KHDRBS3: variants seen among roughly 807,000 people sequenced by gnomAD.
KHDRBS3 encodes the protein KH domain-containing, RNA-binding, signal transduction-associated protein 3.
A neutral mutation model predicts 45.6 loss-of-function variants in KHDRBS3; 23 were observed. The ratio of observed to expected loss-of-function variants is 0.50; its 90% CI spans 0.36 to 0.72. KHDRBS3 has a LOEUF of 0.72. Ranked by LOEUF, KHDRBS3 falls within the 30% of genes least tolerant of loss-of-function variation. The pLI is 0.00. For missense variants in KHDRBS3, 352 were observed against 424.8 expected (o/e 0.83, Z 1.51); for synonymous variants, 162 against 156.5 (o/e 1.04, Z -0.26).
downstream of KHDRBS3, among the ~76,000 whole-genome samples, chr8:135,651,958 G>A (rs1831439655): frequency 6.6e-6 from 1 of 152,078 alleles, no homozygotes; most frequent in African/African-American, 2.4e-5. Context: ...ACTGTATACA[G>A]AGACAGGTTC....
At chr8:135,618,940 T>C (rs1222357812) in intron 7 of KHDRBS3, among the ~76,000 whole-genome samples, 1 of 152,196 alleles carries the variant, frequency 6.6e-6, no homozygotes, top group East Asian at 1.9e-4. Context: ...TAGTACTGAC[T>C]GTGGAGGGAT....
intron 1 of KHDRBS3, among the ~76,000 whole-genome samples, chr8:135,519,236 A>G (rs375269904): frequency 3.3e-5 from 5 of 152,236 alleles, no homozygotes; most frequent in East Asian, 3.9e-4. Flanking sequence ...TCCCTATTGT[A>G]TAGTGTTTTC....
intron 2 of KHDRBS3, among the ~76,000 whole-genome samples, chr8:135,533,352 A>C (rs1825576316): frequency 6.6e-6 from 1 of 152,192 alleles, no homozygotes; most frequent in African/African-American, 2.4e-5. Flanking sequence ...ATCCAGTTGG[A>C]TATGACAAGA....
At chr8:135,533,018 A>G (rs1049676993) in intron 2 of KHDRBS3, among the ~76,000 whole-genome samples, 1 of 152,206 alleles carries the variant, frequency 6.6e-6, no homozygotes, top group Non-Finnish European at 1.5e-5. Context: ...ATACAGTGCA[A>G]GGTACAGTTC....
chr8:135,524,291 C>A (rs1035642899), intron 2 of KHDRBS3, among the ~76,000 whole-genome samples: 1 of 152,154 alleles, frequency 6.6e-6, no homozygotes, highest in Admixed American at 6.5e-5. Context: ...CAGAAGCCAC[C>A]ACTCCCAGCC....
At chr8:135,540,520 G>T (rs1586688794) in intron 2 of KHDRBS3, 1 of 152,224 alleles carries the variant, frequency 6.6e-6, no homozygotes, top group Non-Finnish European at 1.5e-5. Context: ...TGAAGAGGTT[G>T]AATTGGACAA....
chr8:135,491,932 C>CTTTTTT (rs11327928), intron 1 of KHDRBS3, among the ~76,000 whole-genome samples: 1 of 144,150 alleles, frequency 6.9e-6, no homozygotes. Context: ...GTGCCAACTT[C>CTTTTTT]TTTTTTTTTT....
intron 5 of KHDRBS3, among the ~76,000 whole-genome samples, chr8:135,559,031 C>T (rs1586720496): frequency 6.6e-6 from 1 of 152,100 alleles, no homozygotes; most frequent in East Asian, 1.9e-4. Context: ...TTCTGCCTCC[C>T]TTTTACAAGG....
At chr8:135,494,404 G>A (rs1202601875) in intron 1 of KHDRBS3, among the ~76,000 whole-genome samples, 4 of 150,128 alleles carry the variant, frequency 2.7e-5, no homozygotes, top group African/African-American at 9.9e-5. Context: ...TCAGCCTCCT[G>A]AGTAGCTGGG....
At position 135,557,448 on chromosome 8, in the gene KHDRBS3, G is replaced by A. The variant is rs1826942987; in HGVS notation, c.472G>A (p.Asp158Asn). 3 of 1,604,820 alleles carry A rather than the reference G, an allele frequency of 1.9e-6. No individual in the cohort carries two copies. Among genetic ancestry groups the A allele is most frequent in the Admixed American group, 1.7e-5 (1 of 59,162 alleles). ...LEEIKKFLIP[D>N]YNDEIRQAQL... ...TTGCTATCTTCTGTCTTTTGTGTAG[G>A]ATTATAATGATGAGATCAGGCAAGC... is the stretch of plus-strand genomic sequence containing the variant. Residue 158 changes from aspartate (D) to asparagine (N), a missense_variant and splice_region_variant, in exon 5 of 9, where the codon GAT becomes AAT. Asp to Asn is a conservative substitution (Grantham distance 23). Around this residue, in one of 6 missense-constraint regions of KHDRBS3, gnomAD observed 12 missense variants for 38.0 expected, o/e 0.32. Transcript: ENST00000355849.
At chr8:135,596,576 T>C (rs1828982879) in intron 6 of KHDRBS3, among the ~76,000 whole-genome samples, 1 of 152,176 alleles carries the variant, frequency 6.6e-6, no homozygotes, top group African/African-American at 2.4e-5. Flanking sequence ...ATTGCTGATA[T>C]TCAATAAAAA....
chr8:135,624,643 C>T (rs1383078139), intron 7 of KHDRBS3, among the ~76,000 whole-genome samples: 1 of 152,218 alleles, frequency 6.6e-6, no homozygotes, highest in East Asian at 1.9e-4. Flanking sequence ...GCCTGTGAGG[C>T]TTCAAGCAGC....
chr8:135,569,613 G>GA (rs879579168), intron 5 of KHDRBS3, among the ~76,000 whole-genome samples: 3 of 152,088 alleles, frequency 2.0e-5, no homozygotes, highest in Non-Finnish European at 2.9e-5. Context: ...TTCCTGGAAA[G>GA]AAAAAATATA....
intron 6 of KHDRBS3, among the ~76,000 whole-genome samples, chr8:135,587,889 T>C (rs1038495192): frequency 2.6e-5 from 4 of 152,236 alleles, no homozygotes; most frequent in Non-Finnish European, 5.9e-5. Context: ...CTCTGTAAGA[T>C]CTTTTTCATT....
intron 6 of KHDRBS3, among the ~76,000 whole-genome samples, chr8:135,591,687 G>A (rs1369903841): frequency 3.3e-5 from 5 of 152,156 alleles, no homozygotes; most frequent in South Asian, 4.2e-4. Flanking sequence ...TAAGGGAAAC[G>A]AAATGTATTT....
chr8:135,630,295 A>G (rs1225873166), intron 7 of KHDRBS3, among the ~76,000 whole-genome samples: 3 of 152,212 alleles, frequency 2.0e-5, no homozygotes, highest in Non-Finnish European at 4.4e-5. Flanking sequence ...TTTTGATAAC[A>G]TAAAACCTTG....
Position 135,467,256 on chromosome 8 carries a change from C to A in KHDRBS3, c.88+9302C>A, listed in dbSNP as rs1300834759. The stretch of plus-strand genomic sequence containing the variant: ...AGATTATTACACATATATTTCTGTT[C>A]CTCATATATTATCTTTTACAAATGA... On this transcript the variant is annotated intron_variant, in intron 1 of 8. Transcript: ENST00000355849. Among the ~76,000 whole-genome samples the A allele has an allele frequency of 3.3e-5, 5 of 152,040 alleles. No homozygotes were observed. The South Asian group carries it at 8.3e-4, about 25-fold the overall frequency.
In KHDRBS3 at chr8:135,555,069, A is replaced by G. The variant is rs1586713474; in HGVS notation, c.472-2379A>G. Among the ~76,000 whole-genome samples the G allele has an allele frequency of 2.0e-5, 3 of 152,254 alleles. No homozygotes were observed. In the South Asian group the frequency reaches 6.2e-4, roughly 32 times the overall value. ...TTCCACTGAAATGGATTCCATCTCC[A>G]CCTTTCACCCAAACTATTTCTGATA... On this transcript the variant is annotated intron_variant, in intron 4 of 8. Transcript: ENST00000355849.
intron 6 of KHDRBS3, among the ~76,000 whole-genome samples, chr8:135,588,076 G>A (rs1828565627): frequency 6.6e-6 from 1 of 152,190 alleles, no homozygotes; most frequent in Non-Finnish European, 1.5e-5. Context: ...CCAGGAGTTA[G>A]CACAGACCCT....
Sources: allele counts gnomAD v4.1 joint callset (sites outside exome capture counted in the v4.1 genomes callset), GRCh38; gene constraint gnomAD v4.1.1; regional missense constraint gnomAD v4.1.1; transcripts MANE v1.5; gene names NCBI Gene and HGNC (gene_info 2026-07-23, HGNC 2026-07-21).